Variants in CARD8 observed in about 807,000 individuals in gnomAD.
CARD8 encodes the protein caspase recruitment domain family member 8.
Under a neutral mutation model 53.2 loss-of-function variants are expected in CARD8, and 38 were observed. The ratio of observed to expected loss-of-function variants is 0.71; its 90% CI spans 0.55 to 0.94. The LOEUF (loss-of-function observed/expected upper bound fraction) is 0.94, where lower values mean the gene tolerates loss of function less well. Ranked by LOEUF, CARD8 falls within the 40% of genes least tolerant of loss-of-function variation. The probability of loss-of-function intolerance (pLI) is 0.00; values close to 1 mark genes in which losing one functional copy is unlikely to be tolerated. For synonymous variants in CARD8, 245 were observed against 244.9 expected (o/e 1.00, Z 0.00); for missense variants, 561 against 655.5 (o/e 0.86, Z 1.57).
intron 1 of CARD8, among the ~76,000 whole-genome samples, chr19:48,252,158 C>A (rs2147131537): frequency 1.3e-5 from 2 of 152,238 alleles, no homozygotes; most frequent in Middle Eastern, 3.4e-3. Context: ...CATTCAATGG[C>A]TGATCTCAAA....
intron 1 of CARD8, among the ~76,000 whole-genome samples, chr19:48,250,189 T>C (rs748513777): frequency 1.3e-5 from 2 of 152,292 alleles, no homozygotes; most frequent in East Asian, 1.9e-4. Context: ...AGCATTGCAA[T>C]TGGGAATAGA....
chr19:48,231,997 T>C lies in CARD8; in HGVS notation c.392-187A>G, dbSNP rs781150529. On this transcript the variant is annotated intron_variant, in intron 7 of 13. Coordinates refer to ENST00000651546, the MANE Select transcript of CARD8 (RefSeq NM_001184900.3). ...AAGAAAGGCACAAGAATGTTCCTTG[T>C]CATGACTAAACGTATACACCAAATT... The C allele has an allele frequency of 3.0e-5, 21 of 691,032 alleles. No individual in the cohort carries two copies. In the South Asian group the frequency reaches 3.1e-4, roughly 10 times the overall value. 42.8% of individuals were successfully genotyped at this position (691,032 alleles called of 1,614,324 possible). A position where few individuals can be genotyped will look rare whatever the true frequency, so the allele number is the denominator to read the frequency against.
chr19:48,232,819 A>T, intron 6 of CARD8: 1 of 506,244 alleles, frequency 2.0e-6, no homozygotes, highest in Non-Finnish European at 3.8e-6. Context: ...ATTTTGAATG[A>T]AGATATTTTT....
intron 10 of CARD8, among the ~76,000 whole-genome samples, chr19:48,225,406 G>A (rs1399648869): frequency 7.2e-5 from 11 of 152,074 alleles, no homozygotes; most frequent in Admixed American, 6.6e-4. Context: ...CAGGAGAATC[G>A]CTTGAACCCG....
intron 11 of CARD8, among the ~76,000 whole-genome samples, chr19:48,219,591 A>AT (rs1335012597): frequency 2.0e-5 from 3 of 152,178 alleles, no homozygotes; most frequent in African/African-American, 7.2e-5. Flanking sequence ...GAAAATAGGG[A>AT]TTTAAAAAAT....
At chr19:48,222,969 A>T (rs1230936609) in intron 10 of CARD8, among the ~76,000 whole-genome samples, 18 of 152,162 alleles carry the variant, frequency 1.2e-4, no homozygotes, top group Non-Finnish European at 2.2e-4. Flanking sequence ...TGAGTGTGTC[A>T]ACTATGAAAA....
At chr19:48,251,941 T>G (rs1013345420) in intron 1 of CARD8, among the ~76,000 whole-genome samples, 1 of 152,156 alleles carries the variant, frequency 6.6e-6, no homozygotes, top group African/African-American at 2.4e-5. Flanking sequence ...GCTGCTTGGT[T>G]GCTTTGTGTG....
chr19:48,244,692 A>G (rs1049285363), intron 3 of CARD8, among the ~76,000 whole-genome samples: 1 of 152,166 alleles, frequency 6.6e-6, no homozygotes. Flanking sequence ...TTCTGCATAT[A>G]ATCAGGCATG....
downstream of CARD8, among the ~76,000 whole-genome samples, chr19:48,207,734 G>GTTTTTTTTTTTGTTTTT (rs2037430482): frequency 8.6e-6 from 1 of 116,552 alleles, no homozygotes; most frequent in African/African-American, 3.7e-5. Flanking sequence ...TTGTTTTTCT[G>GTTTTTTTTTTTGTTTTT]TTTTTTTTTT....
intron 5 of CARD8, among the ~76,000 whole-genome samples, chr19:48,237,517 C>T (rs552796713): frequency 6.6e-6 from 1 of 152,186 alleles, no homozygotes; most frequent in South Asian, 2.1e-4. Flanking sequence ...GTATTATCGG[C>T]TGGGTGCAGC....
At chr19:48,242,026 G>A (rs184877421) in intron 3 of CARD8, among the ~76,000 whole-genome samples, 6 of 152,050 alleles carry the variant, frequency 3.9e-5, no homozygotes, top group Non-Finnish European at 5.9e-5. Flanking sequence ...AGGCACCCAC[G>A]CATCCACCTT....
chr19:48,223,364 T>C (rs924414621), intron 10 of CARD8, among the ~76,000 whole-genome samples: 5 of 150,848 alleles, frequency 3.3e-5, no homozygotes, highest in African/African-American at 1.2e-4. Context: ...GGATGGCCCA[T>C]GGAGAAAACC....
At chr19:48,252,663 T>G (rs2047071983) in intron 1 of CARD8, among the ~76,000 whole-genome samples, 1 of 151,270 alleles carries the variant, frequency 6.6e-6, no homozygotes, top group South Asian at 2.1e-4. Context: ...CCTGGCTAAT[T>G]TTTTTGTATT....
downstream of CARD8, among the ~76,000 whole-genome samples, chr19:48,207,732 C>CTGTTTTTTTGTTTT (rs1555790091): frequency 2.2e-5 from 2 of 91,270 alleles, no homozygotes; most frequent in Non-Finnish European, 4.2e-5. Flanking sequence ...TGTTGTTTTT[C>CTGTTTTTTTGTTTT]TGTTTTTTTT....
intron 7 of CARD8, 127 bp downstream of exon 7, chr19:48,232,326 G>T: frequency 1.2e-6 from 1 of 851,856 alleles, no homozygotes; most frequent in Non-Finnish European, 1.9e-6. Context: ...ACAGTGCACT[G>T]TGGCAAAGGT....
In CARD8 at chr19:48,230,421, T is replaced by C. The variant is rs745803480; in HGVS notation, c.1035+17A>G. The C allele has an allele frequency of 1.3e-6, 2 of 1,588,120 alleles. No homozygotes were observed. The highest frequency in any genetic ancestry group is 2.3e-5 in the South Asian group (2 of 86,742). On this transcript the variant is annotated intron_variant, in intron 10 of 13. Coordinates refer to ENST00000651546, the MANE Select transcript of CARD8 (RefSeq NM_001184900.3). ...ATAATCGTCATCTTCTCTGGTCTCC[T>C]AAATCACTCAGCTTACCTTTGTTAG... is the stretch of plus-strand genomic sequence containing the variant.
intron 10 of CARD8, among the ~76,000 whole-genome samples, chr19:48,229,642 T>C (rs868059190): frequency 6.6e-5 from 10 of 152,284 alleles, no homozygotes; most frequent in African/African-American, 1.9e-4. Flanking sequence ...TGGGACTTTA[T>C]CCAGGTGCAC....
At position 48,226,053 on chromosome 19, in the gene CARD8, C is replaced by CAA. The variant is rs35050640; in HGVS notation, c.1036-4200_1036-4199dup. Among the ~76,000 whole-genome samples, 458 of 78,170 alleles carry CAA rather than the reference C, an allele frequency of 5.9e-3. 13 individuals carry two copies. The highest frequency in any genetic ancestry group is 9.7e-3 in the African/African-American group (193 of 19,986). The allele number at this position is 78,170 out of a possible 152,430, so 51.3% of individuals were successfully genotyped here. The stretch of plus-strand genomic sequence containing the variant: ...TGGGGGACACAGCAAGACTCCGTCT[C>CAA]AAAAAAAAAAAAAAAAAAAGCCATG... On this transcript the variant is annotated intron_variant, in intron 10 of 13. Coordinates refer to ENST00000651546, the MANE Select transcript of CARD8 (RefSeq NM_001184900.3).
intron 12 of CARD8, 146 bp downstream of exon 12, chr19:48,218,725 C>T (rs1375400474): frequency 6.0e-6 from 5 of 835,100 alleles, no homozygotes; most frequent in Non-Finnish European, 9.4e-6. Context: ...TGTTCCCCTC[C>T]CTGTGTCCAT....
Sources: allele counts gnomAD v4.1 joint callset (sites outside exome capture counted in the v4.1 genomes callset), GRCh38; gene constraint gnomAD v4.1.1; transcripts MANE v1.5; gene names NCBI Gene and HGNC (gene_info 2026-07-23, HGNC 2026-07-21).